Variants in LIG1 observed in about 807,000 individuals in gnomAD.
LIG1 encodes DNA ligase 1, also known as ligase I, DNA, ATP-dependent.
Under a neutral mutation model 115.7 loss-of-function variants are expected in LIG1, and 70 were observed. The observed-to-expected ratio is 0.60, with a 90% CI of 0.50 to 0.74. LIG1 has a LOEUF of 0.74. Among genes scored for constraint, LIG1 ranks in the 30% least tolerant of loss-of-function variants. The pLI, the probability that LIG1 is intolerant of heterozygous loss-of-function variation, is 0.00. For missense variants in LIG1, 1,115 were observed against 1,225.6 expected, an observed-to-expected ratio of 0.91 and a Z score of 1.35; for synonymous variants, 487 against 495.3, an observed-to-expected ratio of 0.98 and a Z score of 0.22.
intron 21 of LIG1, among the ~76,000 whole-genome samples, chr19:48,125,927 G>A (rs2033636405): frequency 6.7e-6 from 1 of 148,594 alleles, no homozygotes; most frequent in Non-Finnish European, 1.5e-5. Flanking sequence ...GGCGGAGGTT[G>A]CAGTGAGCTG....
intron 3 of LIG1, 39 bp downstream of exon 3, chr19:48,162,223 A>C (rs771180769): frequency 6.4e-7 from 1 of 1,560,146 alleles, no homozygotes; most frequent in East Asian, 2.2e-5. Flanking sequence ...CCTGACTGCT[A>C]AAGGAAAAAA....
In LIG1 at chr19:48,165,597, G is replaced by T. The variant is rs575334352; in HGVS notation, c.-31C>A. The T allele has an allele frequency of 6.2e-7, 1 of 1,613,848 alleles. No homozygotes were observed. The highest frequency in any genetic ancestry group is 1.1e-5 in the South Asian group (1 of 91,084). On this transcript the variant is annotated 5_prime_UTR_variant, in exon 2 of 28. It adds an upstream start codon to the 5' untranslated region. Transcript: ENST00000263274. ...CGTCAGAATTCTCCCTTCCTGTCCA[G>T]CACTTTTCTTCGTCTGTCAGCTGCT...
At chr19:48,147,323 A>G (rs2035180938) in intron 9 of LIG1, 1 of 152,148 alleles carries the variant, frequency 6.6e-6, no homozygotes, top group Non-Finnish European at 1.5e-5. Flanking sequence ...ACACCATCAC[A>G]TTGTATTTGA....
At chr19:48,164,598 G>A (rs2036374245) in intron 2 of LIG1, among the ~76,000 whole-genome samples, 1 of 152,206 alleles carries the variant, frequency 6.6e-6, no homozygotes, top group Admixed American at 6.5e-5. Context: ...CTTTCCAAGG[G>A]GACCGCTAAG....
intron 9 of LIG1, among the ~76,000 whole-genome samples, chr19:48,147,589 C>T (rs2035197337): frequency 1.3e-5 from 2 of 151,548 alleles, no homozygotes; most frequent in Non-Finnish European, 1.5e-5. Flanking sequence ...GGGAGGATCC[C>T]GAGCCCAGGA....
rs1376859606 is a variant in LIG1 at position 48,160,152 on chromosome 19, C to T, written c.243+1220G>A. 2.6e-5 allele frequency among the ~76,000 whole-genome samples: 4 copies of T among 152,360 alleles called. No homozygotes were observed. In the East Asian group the frequency reaches 5.8e-4, roughly 22 times the overall value. ...TTAGCCCAGTGCAACCCATTTGAGA[C>T]TCACGACTCCCAAACTGTAAGACAA... On this transcript the variant is annotated intron_variant, in intron 4 of 27. Coordinates refer to ENST00000263274, the MANE Select transcript of LIG1 (RefSeq NM_000234.3).
At chr19:48,131,562 G>A (rs958934045) in intron 18 of LIG1, among the ~76,000 whole-genome samples, 3 of 152,176 alleles carry the variant, frequency 2.0e-5, no homozygotes. Context: ...GGGTTCAAGA[G>A]AGCCTTCCGC....
chr19:48,147,657 CAAG>C (rs2035203126), intron 9 of LIG1, among the ~76,000 whole-genome samples: 3 of 145,006 alleles, frequency 2.1e-5, no homozygotes, highest in Admixed American at 6.9e-5. Flanking sequence ...AAAAAAAAAA[CAAG>C]AAACAAAAAA....
rs2033354235 is a variant in LIG1 at position 48,122,463 on chromosome 19, G to GTCT, written c.2232+468_2232+470dup. On this transcript the variant is annotated intron_variant, in intron 23 of 27. Coordinates refer to ENST00000263274, the MANE Select transcript of LIG1 (RefSeq NM_000234.3). This position sits in a 1 kb window ranked among gnomAD's most constrained non-coding sequence, Gnocchi z 4.3. ...ACGCAGAGGCTGCTCCTCCCTCAGG[G>GTCT]TCTCTGCACCGGGGGTTTTCCTCCC... is the stretch of plus-strand genomic sequence containing the variant. 1 of 248,736 alleles carries GTCT rather than the reference G, an allele frequency of 4.0e-6. No individual in the cohort carries two copies. The highest frequency in any genetic ancestry group is 2.2e-5 in the African/African-American group (1 of 44,776). The allele number at this position is 248,736 out of a possible 1,614,324, so 15.4% of individuals were successfully genotyped here.
chr19:48,143,445 T>C (rs2034905255), intron 11 of LIG1, 98 bp downstream of exon 11: 3 of 1,140,818 alleles, frequency 2.6e-6, no homozygotes, highest in Admixed American at 1.7e-5. Context: ...AGAGGCCAAG[T>C]TGACAGGGTT....
intron 20 of LIG1, chr19:48,127,553 A>G (rs560345675): frequency 1.3e-5 from 8 of 620,374 alleles, no homozygotes; most frequent in Non-Finnish European, 2.3e-5. Context: ...CCTTCACCAG[A>G]TATTTGCTCT....
chr19:48,126,536 G>GAGGC (rs1271324813), intron 21 of LIG1, among the ~76,000 whole-genome samples: 1 of 151,434 alleles, frequency 6.6e-6, no homozygotes, highest in Non-Finnish European at 1.5e-5. Context: ...AACCTGGGAG[G>GAGGC]AGGCAGTTGT....
chr19:48,168,978 A>C (rs2036619889), intron 1 of LIG1, among the ~76,000 whole-genome samples: 1 of 152,236 alleles, frequency 6.6e-6, no homozygotes, highest in Non-Finnish European at 1.5e-5. Flanking sequence ...GGTTACCAAA[A>C]TGAAGAGATA....
chr19:48,148,272 G>C (rs910374179), intron 9 of LIG1, among the ~76,000 whole-genome samples: 2 of 152,054 alleles, frequency 1.3e-5, no homozygotes, highest in South Asian at 2.1e-4. Flanking sequence ...TTAGGAGTTC[G>C]AGACCAGCCT....
rs566067965 is a variant in LIG1, at chr19:48,138,449, G to C, written c.1088-761C>G. ...CGTTTCAGTCCACAGATGCTCAGCC[G>C]CGGCACAGAGCACATGAAGGTGGGC... is the stretch of plus-strand genomic sequence containing the variant. On this transcript the variant is annotated intron_variant, in intron 12 of 27. Transcript: ENST00000263274. 1.5e-4 allele frequency among the ~76,000 whole-genome samples: 23 copies of C among 152,348 alleles called. No individual in the cohort carries two copies. In the South Asian group the frequency reaches 4.6e-3, roughly 30 times the overall value.
At chr19:48,158,146 T>A (rs1249319366) in intron 4 of LIG1, among the ~76,000 whole-genome samples, 1 of 152,246 alleles carries the variant, frequency 6.6e-6, no homozygotes, top group Non-Finnish European at 1.5e-5. Flanking sequence ...ACTTCTTGTA[T>A]AGCCTGCAGG....
Position 48,127,926 on chromosome 19 carries a change from G to T in LIG1, c.1916C>A (p.Thr639Asn). Residue 639 changes from threonine (T) to asparagine (N), a missense_variant, in exon 20 of 28, where the codon ACC (threonine) becomes AAC (asparagine). By Grantham distance (65) the Thr-to-Asn change is moderately conservative. Transcript: ENST00000263274. ...KKQIQPFQVL[T>N]TRKRKEVDAS... Reference sequence around the variant, plus strand: ...TGATGCTACCTTGCGTTTGCGGGTGGTGAGCACTTGGAATGGCTGGATCTG... The same window carrying T: ...TGATGCTACCTTGCGTTTGCGGGTGTTGAGCACTTGGAATGGCTGGATCTG... 6.2e-7 allele frequency: 1 copy of T among 1,614,114 alleles called. No individual in the cohort carries two copies. The highest frequency in any genetic ancestry group is 8.5e-7 in the Non-Finnish European group (1 of 1,179,976).
At chr19:48,131,028 C>G (rs1599767099) in intron 19 of LIG1, 48 bp downstream of exon 19, 1 of 1,495,960 alleles carries the variant, frequency 6.7e-7, no homozygotes, top group East Asian at 2.3e-5. Context: ...GCCTTTGCAC[C>G]CCTGACCACA....
Position 48,119,205 on chromosome 19 carries a change from C to T in LIG1, c.2386-15G>A, listed in dbSNP as rs1276201310. The T allele has an allele frequency of 1.9e-6, 3 of 1,578,820 alleles. No individual in the cohort carries two copies. Among genetic ancestry groups the T allele is most frequent in the Non-Finnish European group, 2.6e-6 (3 of 1,162,140 alleles). On this transcript the variant is annotated splice_polypyrimidine_tract_variant and intron_variant, in intron 24 of 27. Transcript: ENST00000263274. ...CCAGTTCCAAGCTGCAGGGAGGAAG[C>T]GGGAGGTCAGAGGCTCAGCCAGCCA...
Sources: allele counts gnomAD v4.1 joint callset (sites outside exome capture counted in the v4.1 genomes callset), GRCh38; gene constraint gnomAD v4.1.1; non-coding constraint Gnocchi (gnomAD v3.1); transcripts MANE v1.5; gene names NCBI Gene and HGNC (gene_info 2026-07-23, HGNC 2026-07-21).